Variants in NUMB observed in about 807,000 individuals in gnomAD.
The protein encoded by NUMB is NUMB endocytic adaptor protein.
In NUMB, 29 loss-of-function variants were observed where a neutral mutation model predicts 59.7. The observed-to-expected ratio is 0.49, with a 90% CI of 0.36 to 0.66. The LOEUF (loss-of-function observed/expected upper bound fraction) is 0.66. NUMB is among the 30% of genes least tolerant of loss of function. The pLI, the probability that NUMB is intolerant of heterozygous loss-of-function variation, is 0.00. For synonymous variants in NUMB, 288 were observed against 288.2 expected (o/e 1.00, Z 0.01); for missense variants, 723 against 822.0 (o/e 0.88, Z 1.47).
At chr14:73,353,368 T>C (rs1594941300) in intron 4 of NUMB, among the ~76,000 whole-genome samples, 1 of 150,864 alleles carries the variant, frequency 6.6e-6, no homozygotes, top group Non-Finnish European at 1.5e-5. Context: ...ATTACAGGTG[T>C]CAGCCACTGT....
rs141202819 is a variant in NUMB at position 73,356,851 on chromosome 14, C to T, written c.-15-1085G>A. ...GGGACTACAGAGACATGTGCCACCA[C>T]ACCTGGCTTTTTTCTTTTTTCTTTT... On this transcript the variant is annotated intron_variant, in intron 3 of 12. Transcript: ENST00000555238. 9.8e-4 allele frequency: 152 copies of T among 155,676 alleles called. 1 individual carries two copies. The highest frequency in any genetic ancestry group is 2.1e-3 in the African/African-American group (89 of 41,592). 9.6% of individuals were successfully genotyped at this position (155,676 alleles called of 1,614,324 possible).
chr14:73,420,430 GA>G (rs1439500814), intron 1 of NUMB, among the ~76,000 whole-genome samples: 1 of 152,164 alleles, frequency 6.6e-6, no homozygotes, highest in East Asian at 1.9e-4. Flanking sequence ...GTATAAGGGT[GA>G]CTATTGATTC....
intron 2 of NUMB, among the ~76,000 whole-genome samples, chr14:73,398,384 GACACAC>G (rs57541659): frequency 2.1e-5 from 3 of 141,154 alleles, no homozygotes; most frequent in South Asian, 4.8e-4. Flanking sequence ...ATGAGAGAGA[GACACAC>G]ACAGAGAGAG....
chr14:73,434,327 T>C (rs559926177), intron 1 of NUMB, among the ~76,000 whole-genome samples: 11 of 152,246 alleles, frequency 7.2e-5, no homozygotes, highest in Admixed American at 7.2e-4. Context: ...AACATAAAGA[T>C]TATAATAGTA....
chr14:73,454,127 A>G (rs1461039358), intron 1 of NUMB, among the ~76,000 whole-genome samples: 5 of 152,086 alleles, frequency 3.3e-5, no homozygotes, highest in African/African-American at 1.2e-4. Flanking sequence ...GACAGGACCA[A>G]TCATACCTCA....
At chr14:73,351,811 C>T (rs1726931465) in intron 4 of NUMB, among the ~76,000 whole-genome samples, 1 of 151,712 alleles carries the variant, frequency 6.6e-6, no homozygotes, top group Non-Finnish European at 1.5e-5. Context: ...CCCGTCTCTA[C>T]TAAAAATACA....
intron 2 of NUMB, among the ~76,000 whole-genome samples, chr14:73,407,135 G>A (rs1439883541): frequency 1.3e-5 from 2 of 151,524 alleles, no homozygotes; most frequent in African/African-American, 4.9e-5. Flanking sequence ...GAGCCACCAT[G>A]CCAGGCCTCA....
intron 2 of NUMB, among the ~76,000 whole-genome samples, chr14:73,404,555 GA>G (rs1403617806): frequency 9.2e-5 from 14 of 152,006 alleles, no homozygotes; most frequent in Non-Finnish European, 1.8e-4. Context: ...GGGAAAATGT[GA>G]AAAAATATTG....
chr14:73,340,736 T>A (rs1892589951), intron 4 of NUMB, among the ~76,000 whole-genome samples: 1 of 152,212 alleles, frequency 6.6e-6, no homozygotes, highest in African/African-American at 2.4e-5. Context: ...ACTTTTACAA[T>A]AAACTCAAGA....
intron 1 of NUMB, among the ~76,000 whole-genome samples, chr14:73,425,363 T>A (rs1238446701): frequency 6.6e-6 from 1 of 152,202 alleles, no homozygotes. Flanking sequence ...AAATTTAATA[T>A]AATTTTTAAA....
intron 1 of NUMB, among the ~76,000 whole-genome samples, chr14:73,446,553 C>T (rs1883522698): frequency 6.7e-6 from 1 of 149,072 alleles, no homozygotes; most frequent in South Asian, 2.1e-4. Flanking sequence ...TGCAGTGAGC[C>T]AAGATAGTGC....
chr14:73,349,682 A>G (rs28411342), intron 4 of NUMB, among the ~76,000 whole-genome samples: 35,243 of 151,852 alleles, frequency 0.23, 5,055 homozygotes, highest in East Asian at 0.68. Flanking sequence ...GATCAAGACC[A>G]TCCTGGCTAA....
chr14:73,351,452 C>T lies in NUMB; in HGVS notation c.126+4174G>A, dbSNP rs546658786. On this transcript the variant is annotated intron_variant, in intron 4 of 12. Coordinates refer to ENST00000555238, the MANE Select transcript of NUMB (RefSeq NM_001005743.2). ...GCAGTGAGCTGAGATCGCGCCACTG[C>T]ACTCCAGCCTGGCAACAGAGCAAGA... 2.6e-5 allele frequency among the ~76,000 whole-genome samples: 4 copies of T among 152,144 alleles called. No individual in the cohort carries two copies. In the South Asian group the frequency reaches 8.3e-4, roughly 32 times the overall value.
chr14:73,278,647 GC>G (rs1304287519), intron 12 of NUMB, among the ~76,000 whole-genome samples: 1 of 151,350 alleles, frequency 6.6e-6, no homozygotes, highest in Non-Finnish European at 1.5e-5. Context: ...TAGGAGCAGG[GC>G]CCCCTCTTTC....
In NUMB at chr14:73,373,594, T is replaced by C. The variant is rs189722459; in HGVS notation, c.-100-6613A>G. ...AGCTAGTTATAAAACCTTAAAGCTGTAGAAAAATTTTGAACAAGGTAAAGG... is the reference window on the plus strand; with the variant it reads ...AGCTAGTTATAAAACCTTAAAGCTGCAGAAAAATTTTGAACAAGGTAAAGG... On this transcript the variant is annotated intron_variant, in intron 2 of 12. Transcript: ENST00000555238. Among the ~76,000 whole-genome samples, 29 of 152,084 alleles carry C rather than the reference T, an allele frequency of 1.9e-4. No individual in the cohort carries two copies. In the East Asian group the frequency reaches 5.6e-3, roughly 29 times the overall value.
intron 7 of NUMB, among the ~76,000 whole-genome samples, chr14:73,296,395 C>T (rs955581497): frequency 6.7e-6 from 1 of 149,392 alleles, no homozygotes; most frequent in Non-Finnish European, 1.5e-5. Context: ...GAGCTGGGAT[C>T]GTGCCACTGC....
chr14:73,364,791 C>A (rs1400251466), intron 3 of NUMB, among the ~76,000 whole-genome samples: 2 of 151,996 alleles, frequency 1.3e-5, no homozygotes, highest in Non-Finnish European at 2.9e-5. Flanking sequence ...ACCTCCACAC[C>A]TGCCTAGTTT....
At chr14:73,299,899 G>A (rs1890034120) in intron 6 of NUMB, among the ~76,000 whole-genome samples, 1 of 152,048 alleles carries the variant, frequency 6.6e-6, no homozygotes, top group South Asian at 2.1e-4. Context: ...ACTGAATTCA[G>A]CGCTACTATT....
intron 4 of NUMB, among the ~76,000 whole-genome samples, chr14:73,323,976 T>C (rs1891534465): frequency 6.6e-6 from 1 of 152,196 alleles, no homozygotes; most frequent in Non-Finnish European, 1.5e-5. Flanking sequence ...CTCCTGACTC[T>C]AACTCCTCCT....
Sources: gnomAD v4.1 joint callset for allele counts (sites outside exome capture counted in the v4.1 genomes callset) on GRCh38, gnomAD v4.1.1 for gene constraint, MANE v1.5 for transcripts, NCBI Gene and HGNC (gene_info 2026-07-23, HGNC 2026-07-21) for gene names.